REEP3: variants seen among roughly 807,000 people sequenced by gnomAD.
REEP3 encodes receptor expression-enhancing protein 3.
A neutral mutation model predicts 41.3 loss-of-function variants in REEP3; 20 were observed. That is an observed-to-expected ratio of 0.48 (90% confidence interval 0.34 to 0.70). The LOEUF is 0.70. Among genes scored for constraint, REEP3 ranks in the 30% least tolerant of loss-of-function variants. REEP3 has a pLI of 0.01. For synonymous variants in REEP3, 104 were observed against 101.8 expected, an observed-to-expected ratio of 1.02 and a Z score of -0.13; for missense variants, 271 against 308.8, an observed-to-expected ratio of 0.88 and a Z score of 0.92.
chr10:63,538,080 C>T (rs1222800825), intron 1 of REEP3, among the ~76,000 whole-genome samples: 1 of 151,744 alleles, frequency 6.6e-6, no homozygotes, highest in Non-Finnish European at 1.5e-5. Flanking sequence ...AATGTGCCTG[C>T]ACTATAGCTC....
intron 5 of REEP3, among the ~76,000 whole-genome samples, chr10:63,603,052 A>C (rs927955571): frequency 6.6e-6 from 1 of 151,986 alleles, no homozygotes. Flanking sequence ...AGTGGCTCAC[A>C]CCTGTAATCC....
At chr10:63,597,906 TC>T in intron 3 of REEP3, 117 bp from the exon 4 acceptor site, 1 of 779,298 alleles carries the variant, frequency 1.3e-6, no homozygotes, top group Non-Finnish European at 1.9e-6. Context: ...AAACTCCATC[TC>T]AAAAAAAAAA....
Position 63,622,705 on chromosome 10 carries a change from C to CTTTTTTTTTTTTTTTTTTTTT in REEP3, c.*1856_*1857insTTTTTTTTTTTTTTTTTTTTT, listed in dbSNP as rs67568146. On this transcript the variant is annotated 3_prime_UTR_variant, in exon 8 of 8. Coordinates refer to ENST00000373758, the MANE Select transcript of REEP3 (RefSeq NM_001001330.3). ...TGGGAGCTGATTTGCACCATTTTAC[C>CTTTTTTTTTTTTTTTTTTTTT]TTTTTTTTTTTTTTTTTTTTGAGAC... 3.4e-5 allele frequency: 4 copies of CTTTTTTTTTTTTTTTTTTTTT among 116,604 alleles called. No homozygotes were observed. Among genetic ancestry groups the CTTTTTTTTTTTTTTTTTTTTT allele is most frequent in the African/African-American group, 1.4e-4 (4 of 28,060 alleles). 7.2% of individuals were successfully genotyped at this position (116,604 alleles called of 1,614,324 possible).
At chr10:63,536,313 C>T (rs543692948) in intron 1 of REEP3, among the ~76,000 whole-genome samples, 1 of 152,186 alleles carries the variant, frequency 6.6e-6, no homozygotes, top group Non-Finnish European at 1.5e-5. Flanking sequence ...CAGATGTGTA[C>T]ACTCACATAT....
At chr10:63,535,212 G>A (rs1955463032) in intron 1 of REEP3, among the ~76,000 whole-genome samples, 1 of 151,482 alleles carries the variant, frequency 6.6e-6, no homozygotes, top group African/African-American at 2.4e-5. Flanking sequence ...AGACATAAGG[G>A]GAAAAAAAGA....
At chr10:63,557,918 T>C (rs1241774839) in intron 1 of REEP3, among the ~76,000 whole-genome samples, 1 of 152,154 alleles carries the variant, frequency 6.6e-6, no homozygotes, top group Non-Finnish European at 1.5e-5. Context: ...AGGAATAATA[T>C]AATTCTTTTC....
In REEP3 at chr10:63,620,970, A is replaced by T; in HGVS notation, c.*101A>T. 2 of 672,232 alleles carry T rather than the reference A, an allele frequency of 3.0e-6. No homozygotes were observed. The highest frequency in any genetic ancestry group is 4.8e-6 in the Non-Finnish European group (2 of 414,876). The allele number at this position is 672,232 out of a possible 1,614,324, so 41.6% of individuals were successfully genotyped here. On this transcript the variant is annotated 3_prime_UTR_variant, in exon 8 of 8. Coordinates refer to ENST00000373758, the MANE Select transcript of REEP3 (RefSeq NM_001001330.3). ...GATTTACACATTAAAATGATTATTT[A>T]AATTGTGGCAGTGATGGGGTTTACT...
intron 1 of REEP3, among the ~76,000 whole-genome samples, chr10:63,553,687 T>C (rs548063147): frequency 1.4e-4 from 21 of 152,334 alleles, no homozygotes; most frequent in Admixed American, 6.5e-5. Context: ...TTTGTGTTTA[T>C]GGCTTTCCTT....
intron 6 of REEP3, among the ~76,000 whole-genome samples, chr10:63,618,921 G>T (rs1456167679): frequency 6.6e-6 from 1 of 152,238 alleles, no homozygotes; most frequent in Non-Finnish European, 1.5e-5. Flanking sequence ...TTGGCCCGTA[G>T]TAAGTCTTTA....
intron 5 of REEP3, among the ~76,000 whole-genome samples, chr10:63,602,234 T>C (rs1956178465): frequency 6.6e-6 from 1 of 152,102 alleles, no homozygotes; most frequent in Non-Finnish European, 1.5e-5. Context: ...ACAACTGTGG[T>C]TTTGCCATAT....
intron 5 of REEP3, among the ~76,000 whole-genome samples, chr10:63,609,342 C>T (rs1174548676): frequency 6.6e-6 from 1 of 151,524 alleles, no homozygotes; most frequent in Non-Finnish European, 1.5e-5. Flanking sequence ...GTCCCAGCTA[C>T]TGGAGGGGCT....
rs184417106 is a variant in REEP3 at position 63,527,532 on chromosome 10, T to C, written c.32+5955T>C. Among the ~76,000 whole-genome samples the C allele has an allele frequency of 2.9e-3, 437 of 151,926 alleles. 2 individuals are homozygous for C. Among genetic ancestry groups the C allele is most frequent in the Non-Finnish European group, 5.1e-3 (345 of 67,948 alleles). On this transcript the variant is annotated intron_variant, in intron 1 of 7. Transcript: ENST00000373758. ...ACAAAAAATACAAAAAACAAAAAAA[T>C]TAGCTGGGCGTGGTGGTACATGCCT...
At chr10:63,563,574 C>T (rs774390988) in intron 1 of REEP3, among the ~76,000 whole-genome samples, 2 of 152,012 alleles carry the variant, frequency 1.3e-5, no homozygotes, top group Non-Finnish European at 2.9e-5. Context: ...TAAGAATAAG[C>T]GACTACAGGG....
chr10:63,549,297 G>A (rs529767681), intron 1 of REEP3, among the ~76,000 whole-genome samples: 2 of 152,246 alleles, frequency 1.3e-5, no homozygotes, highest in Admixed American at 6.5e-5. Flanking sequence ...GCCAGGTGTG[G>A]TGGCTCATGC....
intron 1 of REEP3, among the ~76,000 whole-genome samples, chr10:63,559,178 G>A (rs372474879): frequency 2.0e-5 from 3 of 152,134 alleles, no homozygotes; most frequent in African/African-American, 4.8e-5. Context: ...TGTCATATTA[G>A]AGAGGGAATT....
chr10:63,553,013 C>G (rs1271007937), intron 1 of REEP3, among the ~76,000 whole-genome samples: 2 of 152,228 alleles, frequency 1.3e-5, no homozygotes, highest in Non-Finnish European at 2.9e-5. Flanking sequence ...AGAATACTCA[C>G]AAATGCTTTT....
chr10:63,526,049 C>G (rs2133335069), intron 1 of REEP3, among the ~76,000 whole-genome samples: 1 of 152,312 alleles, frequency 6.6e-6, no homozygotes, highest in South Asian at 2.1e-4. Context: ...AAAACATGCT[C>G]TCCTAAAATC....
chr10:63,531,677 G>A (rs1214542659), intron 1 of REEP3, among the ~76,000 whole-genome samples: 1 of 152,130 alleles, frequency 6.6e-6, no homozygotes, highest in Admixed American at 6.5e-5. Flanking sequence ...CATAAAAATA[G>A]AACATTTTTA....
At chr10:63,606,185 G>A (rs905042641) in intron 5 of REEP3, 57 of 657,962 alleles carry the variant, frequency 8.7e-5, no homozygotes, top group Non-Finnish European at 1.0e-4. Context: ...GAATTATCTT[G>A]TGAATGGTAA....
Sources: gnomAD v4.1 joint callset for allele counts (sites outside exome capture counted in the v4.1 genomes callset) on GRCh38, gnomAD v4.1.1 for gene constraint, MANE v1.5 for transcripts, NCBI Gene and HGNC (gene_info 2026-07-23, HGNC 2026-07-21) for gene names.